CLN8: variants seen among roughly 807,000 people sequenced by gnomAD.
CLN8 encodes the protein protein CLN8.
Under a neutral mutation model 15.7 loss-of-function variants are expected in CLN8, and 14 were observed. That is an observed-to-expected ratio of 0.89 (90% CI 0.59 to 1.39). The LOEUF is 1.39. CLN8 is among the 40% of genes most tolerant of loss of function. The pLI, the probability that CLN8 is intolerant of heterozygous loss-of-function variation, is 0.00. For synonymous variants in CLN8, 188 were observed against 151.0 expected (o/e 1.25, Z -1.80); for missense variants, 415 against 364.0 (o/e 1.14, Z -1.14).
rs548995371 is a variant in CLN8 at position 1,781,437 on chromosome 8, A to T, written c.*870A>T. On this transcript the variant is annotated 3_prime_UTR_variant, in exon 3 of 3. Transcript: ENST00000331222. ...CCATCTGGTGGCAAGTGGTACAAAG[A>T]CAACGCTGAGGGGTAGTGACTCCTG... 1.3e-5 allele frequency: 2 copies of T among 151,990 alleles called. No homozygotes were observed. The highest frequency in any genetic ancestry group is 3.9e-4 in the East Asian group (2 of 5,190). The allele number at this position is 151,990 out of a possible 1,614,324, so 9.4% of individuals were successfully genotyped here. A position where few individuals can be genotyped will look rare whatever the true frequency, so the allele number is the denominator to read the frequency against.
In CLN8 at chr8:1,780,960, A is replaced by G. The variant is rs113085984; in HGVS notation, c.*393A>G. The G allele has an allele frequency of 1.9e-3, 483 of 260,156 alleles. 4 individuals carry two copies. The highest frequency in any genetic ancestry group is 0.01 in the African/African-American group (463 of 45,366). The allele number at this position is 260,156 out of a possible 1,614,324, so 16.1% of individuals were successfully genotyped here. A position where few individuals can be genotyped will look rare whatever the true frequency, so the allele number is the denominator to read the frequency against. On this transcript the variant is annotated 3_prime_UTR_variant, in exon 3 of 3. Coordinates refer to ENST00000331222, the MANE Select transcript of CLN8 (RefSeq NM_018941.4). ...TGACTCTTTCCAGCTGCACACTCAT[A>G]TGCCGTGTGTCTTATTCAGAAGTCA...
chr8:1,776,376 C>T (rs1207926221), intron 2 of CLN8, among the ~76,000 whole-genome samples: 1 of 152,116 alleles, frequency 6.6e-6, no homozygotes, highest in African/African-American at 2.4e-5. Flanking sequence ...TGTACACACA[C>T]ATGTGATAAC....
intron 1 of CLN8, among the ~76,000 whole-genome samples, chr8:1,767,565 C>CTTTTTTTTTTTT (rs1156569423): frequency 3.7e-5 from 3 of 81,310 alleles, no homozygotes; most frequent in Non-Finnish European, 6.4e-5. Context: ...ATGTTTCTTT[C>CTTTTTTTTTTTT]TTTTTTTTTT....
rs1364377245 is a variant in CLN8 at position 1,785,172 on chromosome 8, TCTCCCG to T, written c.*4610_*4615del. 1 of 162,702 alleles carries T rather than the reference TCTCCCG, an allele frequency of 6.1e-6. No individual in the cohort carries two copies. Among genetic ancestry groups the T allele is most frequent in the Non-Finnish European group, 1.4e-5 (1 of 73,528 alleles). 10.1% of individuals were successfully genotyped at this position (162,702 alleles called of 1,614,324 possible). ...CCCTCACGCCGCTGAACCGCGAGGG[TCTCCCG>T]CTCCTCAGGCTTGCGGCTCGGCCGC... On this transcript the variant is annotated 3_prime_UTR_variant, in exon 3 of 3. Coordinates refer to ENST00000331222, the MANE Select transcript of CLN8 (RefSeq NM_018941.4).
chr8:1,779,394 C>T lies in CLN8; in HGVS notation c.544-856C>T, dbSNP rs1801633937. Among the ~76,000 whole-genome samples the T allele has an allele frequency of 3.3e-5, 5 of 152,316 alleles. No homozygotes were observed. In the South Asian group the frequency reaches 8.3e-4, roughly 25 times the overall value. On this transcript the variant is annotated intron_variant, in intron 2 of 2. Coordinates refer to ENST00000331222, the MANE Select transcript of CLN8 (RefSeq NM_018941.4). ...AATTAGCTGGGATTACATGGTGCGC[C>T]ACCATGCCTGGCTAATTTTTTTGTA...
rs368465729 is a variant in CLN8 at position 1,764,047 on chromosome 8, G to A, written c.-124+162G>A. 1.2e-4 allele frequency: 19 copies of A among 152,524 alleles called. No homozygotes were observed. In the South Asian group the frequency reaches 3.9e-3, roughly 31 times the overall value. The allele number at this position is 152,524 out of a possible 1,614,324, so 9.4% of individuals were successfully genotyped here. ...GAGGGGGCTGGGAAGCCCGGGTGAG[G>A]GGACCGGGGATCCCAGGTGAGGGGC... is the stretch of plus-strand genomic sequence containing the variant. On this transcript the variant is annotated intron_variant, in intron 1 of 2. Coordinates refer to ENST00000331222, the MANE Select transcript of CLN8 (RefSeq NM_018941.4).
rs386834127 is a variant in CLN8, at chr8:1,771,469, C to T, written c.415C>T (p.His139Tyr). The change falls in exon 2 of 3, where the codon CAT (histidine) becomes TAT (tyrosine). Residue 139 changes from histidine to tyrosine, a missense_variant. Transcript: ENST00000331222. ...RTFDLFLVIH[H>Y]LFAFLGFLGC... ...ATTTGACTTGTTTCTGGTTATCCAC[C>T]ATCTCTTTGCCTTTCTTGGGTTTCT... is the stretch of plus-strand genomic sequence containing the variant. 6.2e-7 allele frequency: 1 copy of T among 1,614,214 alleles called. No individual in the cohort carries two copies. Among genetic ancestry groups the T allele is most frequent in the Non-Finnish European group, 8.5e-7 (1 of 1,180,048 alleles).
Position 1,786,364 on chromosome 8 carries a change from G to A in CLN8, c.*5797G>A, listed in dbSNP as rs796632409. 30 of 152,328 alleles carry A rather than the reference G, an allele frequency of 2.0e-4. No individual in the cohort carries two copies. Among genetic ancestry groups the A allele is most frequent in the African/African-American group, 6.3e-4 (26 of 41,570 alleles). The allele number at this position is 152,328 out of a possible 1,614,324, so 9.4% of individuals were successfully genotyped here. A position where few individuals can be genotyped will look rare whatever the true frequency, so the allele number is the denominator to read the frequency against. ...CAGACTTTCACGAATGCATGTTGAC[G>A]CTTTCAGTTCACCCCTTTCTTTGCT... On this transcript the variant is annotated 3_prime_UTR_variant, in exon 3 of 3. Coordinates refer to ENST00000331222, the MANE Select transcript of CLN8 (RefSeq NM_018941.4).
Position 1,770,960 on chromosome 8 carries a change from G to C in CLN8, c.-95G>C, listed in dbSNP as rs1801272975. ...GAAGATGGATACGTGACAATCCCAG[G>C]GACCGCTGCACTGACTTCATTTCCT... is the stretch of plus-strand genomic sequence containing the variant. On this transcript the variant is annotated 5_prime_UTR_variant, in exon 2 of 3. Transcript: ENST00000331222. The C allele has an allele frequency of 2.7e-6, 3 of 1,120,920 alleles. No individual in the cohort carries two copies. In the African/African-American group the frequency reaches 4.6e-5, roughly 17 times the overall value. 69.4% of individuals were successfully genotyped at this position (1,120,920 alleles called of 1,614,324 possible).
intron 1 of CLN8, among the ~76,000 whole-genome samples, chr8:1,769,021 A>G (rs1482113617): frequency 6.6e-6 from 1 of 152,206 alleles, no homozygotes; most frequent in Non-Finnish European, 1.5e-5. Context: ...CTCACGCACC[A>G]GGGGCAGCAT....
At position 1,781,984 on chromosome 8, in the gene CLN8, T is replaced by G. The variant is rs1801723148; in HGVS notation, c.*1417T>G. The stretch of plus-strand genomic sequence containing the variant: ...GTGTGTGTGTGTGTGTGTGTGTGAG[T>G]GTTTTGATATAAACGTGCAATTAAA... On this transcript the variant is annotated 3_prime_UTR_variant, in exon 3 of 3. Transcript: ENST00000331222. 6.7e-6 allele frequency: 1 copy of G among 148,300 alleles called. No individual in the cohort carries two copies. The highest frequency in any genetic ancestry group is 1.5e-5 in the Non-Finnish European group (1 of 66,942). The allele number at this position is 148,300 out of a possible 1,614,324, so 9.2% of individuals were successfully genotyped here. A position where few individuals can be genotyped will look rare whatever the true frequency, so the allele number is the denominator to read the frequency against.
chr8:1,772,226 G>A (rs146598291), intron 2 of CLN8, among the ~76,000 whole-genome samples: 136 of 152,170 alleles, frequency 8.9e-4, no homozygotes, highest in African/African-American at 3.0e-3. Flanking sequence ...GTGAGCCACC[G>A]TGCCTGGCCT....
chr8:1,775,084 T>G (rs574957397), intron 2 of CLN8, among the ~76,000 whole-genome samples: 2 of 152,292 alleles, frequency 1.3e-5, no homozygotes, highest in South Asian at 4.2e-4. Context: ...ATGGGTTCTG[T>G]GTCTGGATTC....
chr8:1,771,050 G>C lies in CLN8; in HGVS notation c.-5G>C. On this transcript the variant is annotated 5_prime_UTR_variant, in exon 2 of 3. Transcript: ENST00000331222. Reference sequence around the variant, plus strand: ...CAGGACTCCTTTGGAATATAGCTGTGGACAATGAATCCTGCGAGCGATGGG... The same window carrying C: ...CAGGACTCCTTTGGAATATAGCTGTCGACAATGAATCCTGCGAGCGATGGG... The C allele has an allele frequency of 6.2e-7, 1 of 1,613,932 alleles. No homozygotes were observed. The highest frequency in any genetic ancestry group is 8.5e-7 in the Non-Finnish European group (1 of 1,179,994).
chr8:1,771,120 G>A lies in CLN8; in HGVS notation c.66G>A (p.Gly22=), dbSNP rs763583156. 1 of 1,614,024 alleles carries A rather than the reference G, an allele frequency of 6.2e-7. No homozygotes were observed. Among genetic ancestry groups the A allele is most frequent in the Non-Finnish European group, 8.5e-7 (1 of 1,180,012 alleles). ...TTGACCTGGACTATGCATCCTGGGG[G>A]ATCCGCTCCACGCTGATGGTCGCTG... ...SIFDLDYASW[G]IRSTLMVAGF... Residue 22 remains glycine, a synonymous_variant, in exon 2 of 3, where the codon GGG becomes GGA. Coordinates refer to ENST00000331222, the MANE Select transcript of CLN8 (RefSeq NM_018941.4).
At chr8:1,770,687 C>T (rs546160253) in intron 1 of CLN8, among the ~76,000 whole-genome samples, 2 of 152,226 alleles carry the variant, frequency 1.3e-5, no homozygotes, top group Admixed American at 1.3e-4. Flanking sequence ...GAGCATAGGA[C>T]CGTGTGTTCC....
intron 2 of CLN8, among the ~76,000 whole-genome samples, chr8:1,771,929 A>G (rs993527595): frequency 2.7e-5 from 4 of 148,058 alleles, no homozygotes; most frequent in Admixed American, 2.7e-4. Context: ...TTTTAATACT[A>G]TATTTATTTA....
chr8:1,778,302 G>A (rs901533693), intron 2 of CLN8, among the ~76,000 whole-genome samples: 15 of 152,324 alleles, frequency 9.8e-5, no homozygotes, highest in African/African-American at 3.6e-4. Context: ...AGAACTTGTA[G>A]CCTAACTCTA....
At chr8:1,755,603 C>T (rs1277077594), upstream of CLN8, among the ~76,000 whole-genome samples, 1 of 152,228 alleles carries the variant, frequency 6.6e-6, no homozygotes, top group African/African-American at 2.4e-5. Context: ...TGACTTAGAT[C>T]ACAACCGGTC....
Sources: gnomAD v4.1 joint callset for allele counts (sites outside exome capture counted in the v4.1 genomes callset) on GRCh38, gnomAD v4.1.1 for gene constraint, MANE v1.5 for transcripts, NCBI Gene and HGNC (gene_info 2026-07-23, HGNC 2026-07-21) for gene names.